CACNA2D1: variants seen among roughly 807,000 people sequenced by gnomAD.
CACNA2D1 encodes the protein voltage-dependent calcium channel subunit alpha-2/delta-1.
A neutral mutation model predicts 171.5 loss-of-function variants in CACNA2D1; 53 were observed. The ratio of observed to expected loss-of-function variants is 0.31; its 90% CI spans 0.25 to 0.39. CACNA2D1 has a LOEUF of 0.39. Ranked by LOEUF, CACNA2D1 falls within the 10% of genes least tolerant of loss-of-function variation. The pLI is 1.00. For synonymous variants in CACNA2D1, 442 were observed against 443.1 expected (o/e 1.00, Z 0.03); for missense variants, 903 against 1,299.8 (o/e 0.69, Z 4.69).
chr7:82,358,502 C>G (rs1476280647), intron 1 of CACNA2D1, among the ~76,000 whole-genome samples: 2 of 152,090 alleles, frequency 1.3e-5, no homozygotes, highest in Non-Finnish European at 2.9e-5. Flanking sequence ...GCTGTTTCAA[C>G]TTGTGAAGTG....
intron 4 of CACNA2D1, among the ~76,000 whole-genome samples, chr7:82,142,437 C>A (rs975738372): frequency 1.3e-5 from 2 of 152,164 alleles, no homozygotes; most frequent in African/African-American, 4.8e-5. Context: ...TTGCATGCCA[C>A]TTGCTCACAA....
chr7:81,997,611 G>A (rs37112), intron 18 of CACNA2D1, among the ~76,000 whole-genome samples: 5,974 of 150,186 alleles, frequency 0.04, 367 homozygotes, highest in African/African-American at 0.13. Flanking sequence ...CCATTTGGAT[G>A]ACTTATTTGG....
chr7:82,441,228 TA>T (rs1830483815), intron 1 of CACNA2D1, among the ~76,000 whole-genome samples: 1 of 152,052 alleles, frequency 6.6e-6, no homozygotes, highest in Non-Finnish European at 1.5e-5. Context: ...TAACATGAAG[TA>T]CAAATGTCAA....
intron 8 of CACNA2D1, 26 bp downstream of exon 8, chr7:82,066,429 T>C (rs1269029161): frequency 6.2e-7 from 1 of 1,610,996 alleles, no homozygotes; most frequent in Non-Finnish European, 8.5e-7. Flanking sequence ...TATTTTATCT[T>C]TTCATGGCTA....
intron 12 of CACNA2D1, chr7:82,028,047 T>A (rs540983611): frequency 6.6e-6 from 1 of 151,956 alleles, no homozygotes; most frequent in Admixed American, 6.6e-5. Flanking sequence ...CAGCCTTGTA[T>A]TTGAAGACAA....
At chr7:82,145,027 T>G (rs1792818154) in intron 4 of CACNA2D1, among the ~76,000 whole-genome samples, 1 of 151,636 alleles carries the variant, frequency 6.6e-6, no homozygotes, top group Non-Finnish European at 1.5e-5. Flanking sequence ...CCTAAACACA[T>G]GTGTTTTTTG....
At chr7:82,081,045 G>A (rs10247422) in intron 7 of CACNA2D1, among the ~76,000 whole-genome samples, 122,888 of 152,146 alleles carry the variant, frequency 0.81, 50,082 homozygotes, top group African/African-American at 0.91. Flanking sequence ...AGGTCTCAGA[G>A]AGTTTAGGAG....
chr7:82,393,307 T>C (rs182064992), intron 1 of CACNA2D1, among the ~76,000 whole-genome samples: 14 of 152,290 alleles, frequency 9.2e-5, no homozygotes, highest in Non-Finnish European at 1.9e-4. Flanking sequence ...ATTGACCTCT[T>C]ATACAAAGAA....
At chr7:82,075,458 G>GT (rs1448247762) in intron 7 of CACNA2D1, among the ~76,000 whole-genome samples, 1 of 152,176 alleles carries the variant, frequency 6.6e-6, no homozygotes, top group Non-Finnish European at 1.5e-5. Context: ...CGTGAGCACA[G>GT]TAAGTTCTAT....
intron 4 of CACNA2D1, among the ~76,000 whole-genome samples, chr7:82,154,098 A>T (rs899669374): frequency 2.0e-5 from 3 of 152,172 alleles, no homozygotes; most frequent in African/African-American, 7.2e-5. Context: ...GCTTCTGCTT[A>T]TAACCAAAGC....
At chr7:82,424,772 T>C (rs1829027830) in intron 1 of CACNA2D1, among the ~76,000 whole-genome samples, 1 of 152,216 alleles carries the variant, frequency 6.6e-6, no homozygotes, top group South Asian at 2.1e-4. Context: ...TTACTTTCCT[T>C]ATAGGATGGA....
chr7:81,996,890 G>C (rs1046024458), intron 19 of CACNA2D1, among the ~76,000 whole-genome samples: 9 of 151,700 alleles, frequency 5.9e-5, no homozygotes, highest in Non-Finnish European at 8.8e-5. Context: ...GATTTTTACT[G>C]AAGTTTACAA....
intron 1 of CACNA2D1, among the ~76,000 whole-genome samples, chr7:82,357,549 G>A (rs1299717423): frequency 6.6e-6 from 1 of 151,928 alleles, no homozygotes; most frequent in Admixed American, 6.6e-5. Context: ...AAGTCCTCTG[G>A]AAAAAATAAT....
intron 1 of CACNA2D1, among the ~76,000 whole-genome samples, chr7:82,412,867 AAATTCAGAATT>A (rs1445556768): frequency 4.6e-5 from 7 of 152,096 alleles, no homozygotes; most frequent in Admixed American, 3.9e-4. Flanking sequence ...ACATTTTGTT[AAATTCAGAATT>A]AATTCAGAAT....
chr7:82,339,016 T>C (rs1818311867), intron 2 of CACNA2D1, among the ~76,000 whole-genome samples: 1 of 152,112 alleles, frequency 6.6e-6, no homozygotes, highest in South Asian at 2.1e-4. Flanking sequence ...TAAGTAGCAG[T>C]CAAGTTCACT....
At chr7:82,107,236 C>T (rs1486230516) in intron 6 of CACNA2D1, among the ~76,000 whole-genome samples, 1 of 152,046 alleles carries the variant, frequency 6.6e-6, no homozygotes, top group Non-Finnish European at 1.5e-5. Flanking sequence ...CAAAATGCTC[C>T]CAGGGCCATG....
chr7:82,102,166 A>T (rs1812749758), intron 6 of CACNA2D1, among the ~76,000 whole-genome samples: 1 of 152,132 alleles, frequency 6.6e-6, no homozygotes. Context: ...AAAATAAGAG[A>T]AGGGAAGTAA....
intron 3 of CACNA2D1, among the ~76,000 whole-genome samples, chr7:82,213,695 C>T (rs1230658211): frequency 6.6e-6 from 1 of 152,140 alleles, no homozygotes; most frequent in Admixed American, 6.5e-5. Flanking sequence ...GTTTACTCTT[C>T]TGTCCTCATC....
chr7:82,264,973 C>A (rs1378174039), intron 3 of CACNA2D1, among the ~76,000 whole-genome samples: 1 of 152,134 alleles, frequency 6.6e-6, no homozygotes, highest in African/African-American at 2.4e-5. Context: ...TAATATCAGG[C>A]ATGTTCATAT....
Sources: gnomAD v4.1 joint callset for allele counts (sites outside exome capture counted in the v4.1 genomes callset) on GRCh38, gnomAD v4.1.1 for gene constraint, MANE v1.5 for transcripts, NCBI Gene and HGNC (gene_info 2026-07-23, HGNC 2026-07-21) for gene names.